Variants in DOCK1 observed in about 807,000 individuals in gnomAD.
DOCK1 encodes dedicator of cytokinesis protein 1.
Under a neutral mutation model 262.7 loss-of-function variants are expected in DOCK1, and 138 were observed. The ratio of observed to expected loss-of-function variants is 0.53; its 90% CI spans 0.46 to 0.61. The LOEUF is 0.61. DOCK1 is among the 20% of genes least tolerant of loss of function. The pLI is 0.00. For missense variants in DOCK1, 1,908 were observed against 2,370.7 expected (o/e 0.80, Z 4.05); for synonymous variants, 866 against 867.4 (o/e 1.00, Z 0.03).
chr10:127,324,884 A>C (rs2062691020), intron 29 of DOCK1, among the ~76,000 whole-genome samples: 1 of 152,176 alleles, frequency 6.6e-6, no homozygotes, highest in Admixed American at 6.5e-5. Context: ...AGTATTCTGG[A>C]GGCAAGATTC....
At chr10:127,210,072 A>G (rs1209599389) in intron 27 of DOCK1, among the ~76,000 whole-genome samples, 1 of 152,182 alleles carries the variant, frequency 6.6e-6, no homozygotes, top group African/African-American at 2.4e-5. Context: ...TTATGATGCG[A>G]TGCCAGACTT....
chr10:127,024,658 G>C, intron 14 of DOCK1, 27 bp from the exon 15 acceptor site: 1 of 1,586,970 alleles, frequency 6.3e-7, no homozygotes, highest in Non-Finnish European at 8.6e-7. Context: ...GAGGTCTTAC[G>C]TGAGCTCTTT....
chr10:127,035,277 G>A (rs1301720636), intron 18 of DOCK1, among the ~76,000 whole-genome samples: 2 of 152,212 alleles, frequency 1.3e-5, no homozygotes, highest in African/African-American at 2.4e-5. Context: ...ATTGAGGTTG[G>A]TATTAAACTT....
intron 1 of DOCK1, among the ~76,000 whole-genome samples, chr10:126,947,324 G>T (rs2035517159): frequency 6.7e-6 from 1 of 149,968 alleles, no homozygotes; most frequent in Admixed American, 6.6e-5. Flanking sequence ...GATGGTGGTG[G>T]TTGGTAGTAT....
At chr10:127,228,394 G>A (rs962315397) in intron 27 of DOCK1, among the ~76,000 whole-genome samples, 5 of 152,330 alleles carry the variant, frequency 3.3e-5, no homozygotes, top group African/African-American at 1.2e-4. Context: ...CATCTGCTGG[G>A]TGGTGACCAG....
chr10:127,227,796 GA>G (rs2134515726), intron 27 of DOCK1, among the ~76,000 whole-genome samples: 1 of 152,284 alleles, frequency 6.6e-6, no homozygotes, highest in Non-Finnish European at 1.5e-5. Flanking sequence ...AACCTTCTTT[GA>G]CTTTTGCCCC....
chr10:127,331,276 T>G (rs1041576776), intron 29 of DOCK1, among the ~76,000 whole-genome samples: 5 of 152,056 alleles, frequency 3.3e-5, no homozygotes, highest in African/African-American at 4.8e-5. Flanking sequence ...TGTTGTTGTT[T>G]TTGTTTTTTT....
chr10:127,232,573 G>A (rs1027738180), intron 27 of DOCK1, among the ~76,000 whole-genome samples: 45 of 152,140 alleles, frequency 3.0e-4, no homozygotes, highest in African/African-American at 1.1e-3. Context: ...TATTTACCAC[G>A]TAGTAGTGTC....
rs1447323805 is a variant in DOCK1, at chr10:126,952,359, TTACTGTTGGTAG to T, written c.47-18340_47-18329del. On this transcript the variant is annotated intron_variant, in intron 1 of 51. Transcript: ENST00000623213. ...GTTGGTGATGGTGGTGGTAATATTG[TTACTGTTGGTAG>T]TATTGTTGGTAGTGTTGGTGATGTG... Among the ~76,000 whole-genome samples, 3 of 151,886 alleles carry T rather than the reference TTACTGTTGGTAG, an allele frequency of 2.0e-5. No individual in the cohort carries two copies. The East Asian group carries it at 5.8e-4, about 29-fold the overall frequency.
Position 127,171,167 on chromosome 10 carries a change from C to T in DOCK1, c.2847+43403C>T, listed in dbSNP as rs146350444. ...TGTCTCAGCCATAAACATTCTCTGC[C>T]GAAGCCATTTGGAAATCTACATAAG... On this transcript the variant is annotated intron_variant, in intron 27 of 51. Transcript: ENST00000623213. 5.9e-4 allele frequency among the ~76,000 whole-genome samples: 90 copies of T among 152,112 alleles called. No individual in the cohort carries two copies. The South Asian group carries it at 0.011, about 19-fold the overall frequency.
Position 127,429,088 on chromosome 10 carries a change from G to A in DOCK1, c.4914+3077G>A, listed in dbSNP as rs543073479. Reference sequence around the variant, plus strand: ...GGATTGGGGTACCATGTGGATTGGGGTGCCGTGTGGATTGGGATGCTGTGT... The same window carrying A: ...GGATTGGGGTACCATGTGGATTGGGATGCCGTGTGGATTGGGATGCTGTGT... On this transcript the variant is annotated intron_variant, in intron 47 of 51. Coordinates refer to ENST00000623213, the MANE Select transcript of DOCK1 (RefSeq NM_001290223.2). Among the ~76,000 whole-genome samples, 9 of 150,996 alleles carry A rather than the reference G, an allele frequency of 6.0e-5. 1 individual carries two copies. The highest frequency in any genetic ancestry group is 8.8e-5 in the Non-Finnish European group (6 of 67,806).
intron 23 of DOCK1, among the ~76,000 whole-genome samples, chr10:127,089,031 C>T (rs2047361007): frequency 6.6e-6 from 1 of 152,146 alleles, no homozygotes; most frequent in African/African-American, 2.4e-5. Flanking sequence ...AGACTTCACC[C>T]GCAGCCATGC....
chr10:127,026,444 C>T lies in DOCK1; in HGVS notation c.1624+20C>T. On this transcript the variant is annotated intron_variant, in intron 16 of 51. Coordinates refer to ENST00000623213, the MANE Select transcript of DOCK1 (RefSeq NM_001290223.2). The stretch of plus-strand genomic sequence containing the variant: ...AGGACTGTGAGTAGTCAAGCACTTT[C>T]TTCCCCCAAGTATTTTTAAGGGAGA... 6.4e-7 allele frequency: 1 copy of T among 1,565,490 alleles called. No individual in the cohort carries two copies. The highest frequency in any genetic ancestry group is 8.7e-7 in the Non-Finnish European group (1 of 1,153,634).
At chr10:127,017,248 GCCCCTTCC>G (rs2042041888) in intron 12 of DOCK1, among the ~76,000 whole-genome samples, 3 of 139,590 alleles carry the variant, frequency 2.1e-5, no homozygotes, top group African/African-American at 8.2e-5. Flanking sequence ...GATACAGACA[GCCCCTTCC>G]ACTCAGATAT....
At chr10:127,396,463 C>T (rs1197595845) in intron 38 of DOCK1, among the ~76,000 whole-genome samples, 1 of 152,182 alleles carries the variant, frequency 6.6e-6, no homozygotes, top group Non-Finnish European at 1.5e-5. Flanking sequence ...TGTTCCAACT[C>T]CCCTGTCCAG....
At chr10:127,161,898 A>G (rs116683051) in intron 27 of DOCK1, among the ~76,000 whole-genome samples, 329 of 152,340 alleles carry the variant, frequency 2.2e-3, no homozygotes, top group African/African-American at 7.0e-3. Flanking sequence ...TCTCAGATCT[A>G]TGGGGGTTGG....
chr10:127,177,347 C>A (rs938576668), intron 27 of DOCK1, among the ~76,000 whole-genome samples: 1 of 152,196 alleles, frequency 6.6e-6, no homozygotes, highest in Admixed American at 6.5e-5. Flanking sequence ...CCAATGACTC[C>A]TCTCGGGGAA....
At chr10:127,184,034 C>A (rs1220080928) in intron 27 of DOCK1, among the ~76,000 whole-genome samples, 1 of 152,136 alleles carries the variant, frequency 6.6e-6, no homozygotes, top group African/African-American at 2.4e-5. Flanking sequence ...TTGGCAGTGT[C>A]TCTGGTAATC....
intron 7 of DOCK1, 69 bp downstream of exon 7, chr10:126,996,952 C>G: frequency 1.4e-6 from 2 of 1,453,064 alleles, no homozygotes; most frequent in Non-Finnish European, 1.8e-6. Context: ...AGTAAAGTAT[C>G]AGTCAAGCCC....
Sources: gnomAD v4.1 joint callset for allele counts (sites outside exome capture counted in the v4.1 genomes callset) on GRCh38, gnomAD v4.1.1 for gene constraint, MANE v1.5 for transcripts, NCBI Gene and HGNC (gene_info 2026-07-23, HGNC 2026-07-21) for gene names.